The following FBXW4 variants were observed in gnomAD, a reference collection of about 807,000 sequenced individuals.
The protein encoded by FBXW4 is F-box/WD repeat-containing protein 4.
A neutral mutation model predicts 61.8 loss-of-function variants in FBXW4; 40 were observed. The ratio of observed to expected loss-of-function variants is 0.65; its 90% CI spans 0.50 to 0.84. The LOEUF (loss-of-function observed/expected upper bound fraction) is 0.84. Ranked by LOEUF, FBXW4 falls within the 40% of genes least tolerant of loss-of-function variation. The probability of loss-of-function intolerance (pLI) is 0.00; values close to 1 mark genes in which losing one functional copy is unlikely to be tolerated. For synonymous variants in FBXW4, 311 were observed against 313.8 expected (o/e 0.99, Z 0.10); for missense variants, 672 against 753.8 (o/e 0.89, Z 1.27).
Position 101,667,974 on chromosome 10 carries a change from G to T in FBXW4, c.1147C>A (p.Pro383Thr). Residue 383 changes from proline (P) to threonine (T), a missense_variant, in exon 5 of 9, where the codon CCT (proline) becomes ACT (threonine). This residue lies in a region of FBXW4 where 312 missense variants were observed against 370.1 expected (regional missense o/e 0.84). Transcript: ENST00000331272. ...GSRDRTAKVW[P>T]LASGRLGQCL... ...TGCCCCAGCCGGCCTGAGGCCAAAG[G>T]CCACACCTAGAAACAGGAGAGGAGA... 1.2e-6 allele frequency: 2 copies of T among 1,613,876 alleles called. No homozygotes were observed. Among genetic ancestry groups the T allele is most frequent in the Admixed American group, 1.7e-5 (1 of 60,030 alleles).
intron 5 of FBXW4, among the ~76,000 whole-genome samples, chr10:101,658,253 A>C (rs888604456): frequency 6.6e-6 from 1 of 152,156 alleles, no homozygotes; most frequent in African/African-American, 2.4e-5. Flanking sequence ...AAAAATAAAA[A>C]AAATGGTTTG....
chr10:101,689,930 T>A (rs953094054), intron 1 of FBXW4, among the ~76,000 whole-genome samples: 2 of 152,166 alleles, frequency 1.3e-5, no homozygotes, highest in Non-Finnish European at 2.9e-5. Context: ...CCTCACTCCC[T>A]AAACACCTAT....
chr10:101,632,707 T>C (rs12570717), intron 5 of FBXW4, among the ~76,000 whole-genome samples: 2,333 of 152,304 alleles, frequency 0.015, 28 homozygotes, highest in East Asian at 0.042. Context: ...GAAGAGTTTC[T>C]AAACTGGATT....
At chr10:101,640,658 ATT>A (rs200557925) in intron 5 of FBXW4, among the ~76,000 whole-genome samples, 15 of 132,994 alleles carry the variant, frequency 1.1e-4, no homozygotes, top group Non-Finnish European at 6.5e-5. Context: ...TCCCCAGCTA[ATT>A]TTTTTTTTTT....
Position 101,694,671 on chromosome 10 carries a change from A to G in FBXW4, c.435T>C (p.Ala145=). Residue 145 remains alanine (A), a synonymous_variant, in exon 1 of 9, where the codon GCT becomes GCC. Transcript: ENST00000331272. The surrounding 1 kb of genome is among the most constrained non-coding windows in gnomAD (Gnocchi z 6.0). ...CCCCTGTCCCCGCGATGTCGGCCCAAGCCTGACCCCCTCGTCCCTGTGCTC... is the reference window on the plus strand; with the variant it reads ...CCCCTGTCCCCGCGATGTCGGCCCAGGCCTGACCCCCTCGTCCCTGTGCTC... ...PGRAQGRGGQ[A]WADIAGTGVA... is the part of the protein sequence containing the mutation. 1 of 1,399,676 alleles carries G rather than the reference A, an allele frequency of 7.1e-7. No homozygotes were observed. The highest frequency in any genetic ancestry group is 9.2e-7 in the Non-Finnish European group (1 of 1,087,052). 86.7% of individuals were successfully genotyped at this position (1,399,676 alleles called of 1,614,324 possible). A position where few individuals can be genotyped will look rare whatever the true frequency, so the allele number is the denominator to read the frequency against.
At chr10:101,660,486 T>G (rs1040711833) in intron 5 of FBXW4, among the ~76,000 whole-genome samples, 6 of 152,110 alleles carry the variant, frequency 3.9e-5, no homozygotes, top group Non-Finnish European at 5.9e-5. Flanking sequence ...GCCACAGAAT[T>G]TATGGCTCCC....
chr10:101,632,693 G>C (rs988763048), intron 5 of FBXW4, among the ~76,000 whole-genome samples: 3 of 152,174 alleles, frequency 2.0e-5, no homozygotes, highest in African/African-American at 7.2e-5. Flanking sequence ...GGGAGCTGCA[G>C]GGAGAAGAGT....
At chr10:101,623,076 T>C (rs934798065) in intron 6 of FBXW4, 8 of 152,348 alleles carry the variant, frequency 5.3e-5, no homozygotes, top group African/African-American at 1.9e-4. Context: ...TAATTAGCTA[T>C]TAGGGAAATT....
rs2064266626 is a variant in FBXW4, at chr10:101,663,649, AAG to A, written c.1235+4235_1235+4236del. ...AAGACCCTGTCTCAAAAAAAAAAAA[AAG>A]AGTCTGCCCTTCTGTGTTACTCTTG... On this transcript the variant is annotated intron_variant, in intron 5 of 8. Coordinates refer to ENST00000331272, the MANE Select transcript of FBXW4 (RefSeq NM_022039.4). 2.6e-5 allele frequency among the ~76,000 whole-genome samples: 4 copies of A among 151,908 alleles called. No individual in the cohort carries two copies. The South Asian group carries it at 8.3e-4, about 32-fold the overall frequency.
chr10:101,688,564 T>G (rs1426206918), intron 1 of FBXW4, among the ~76,000 whole-genome samples: 2 of 152,224 alleles, frequency 1.3e-5, no homozygotes, highest in Non-Finnish European at 2.9e-5. Context: ...TAGAGAAAGC[T>G]CAAATATTTA....
At chr10:101,624,913 G>T in intron 5 of FBXW4, 103 bp from the exon 6 acceptor site, 1 of 1,285,656 alleles carries the variant, frequency 7.8e-7, no homozygotes, top group Non-Finnish European at 1.1e-6. Flanking sequence ...GGGGATTGTG[G>T]GTTAAGCCAG....
intron 5 of FBXW4, among the ~76,000 whole-genome samples, chr10:101,640,643 T>A (rs927548886): frequency 1.3e-5 from 2 of 150,404 alleles, no homozygotes; most frequent in Non-Finnish European, 3.0e-5. Flanking sequence ...AGGCATGTGC[T>A]ACCATCCCCA....
At chr10:101,624,035 A>T (rs1164578366) in intron 6 of FBXW4, among the ~76,000 whole-genome samples, 5 of 152,032 alleles carry the variant, frequency 3.3e-5, no homozygotes, top group Non-Finnish European at 7.4e-5. Flanking sequence ...GGTGATGGTT[A>T]TCTGAATCTA....
At chr10:101,627,255 C>A (rs965313144) in intron 5 of FBXW4, among the ~76,000 whole-genome samples, 1 of 152,088 alleles carries the variant, frequency 6.6e-6, no homozygotes, top group Non-Finnish European at 1.5e-5. Flanking sequence ...CCAAAAGCTG[C>A]CCTTTTCTCT....
intron 5 of FBXW4, among the ~76,000 whole-genome samples, chr10:101,656,970 G>A (rs920185918): frequency 6.6e-6 from 1 of 152,084 alleles, no homozygotes; most frequent in Admixed American, 6.5e-5. Flanking sequence ...TGAAAACCAT[G>A]AAAAGGAAAG....
rs919736076 is a variant in FBXW4, at chr10:101,635,215, C to T, written c.1236-10405G>A. Among the ~76,000 whole-genome samples the T allele has an allele frequency of 2.0e-5, 3 of 149,196 alleles. 1 individual carries two copies. The highest frequency in any genetic ancestry group is 6.7e-5 in the Admixed American group (1 of 15,034). ...CTAGATTGTGGCTCCTTTTGAAAATCTAATGCCTGAGGATCTGTCACTGTC... is the reference window on the plus strand; with the variant it reads ...CTAGATTGTGGCTCCTTTTGAAAATTTAATGCCTGAGGATCTGTCACTGTC... On this transcript the variant is annotated intron_variant, in intron 5 of 8. Transcript: ENST00000331272.
At chr10:101,669,727 T>G (rs757798790) in intron 4 of FBXW4, among the ~76,000 whole-genome samples, 20 of 150,696 alleles carry the variant, frequency 1.3e-4, no homozygotes, top group Non-Finnish European at 2.7e-4. Flanking sequence ...TCAAAACAGA[T>G]CCATCCCTGG....
intron 5 of FBXW4, among the ~76,000 whole-genome samples, chr10:101,638,338 GA>G (rs1445014673): frequency 1.3e-5 from 2 of 152,136 alleles, no homozygotes; most frequent in African/African-American, 4.8e-5. Context: ...AGGGAGATGA[GA>G]AATTCAAGCT....
intron 5 of FBXW4, among the ~76,000 whole-genome samples, chr10:101,652,603 G>GA (rs57745362): frequency 3.3e-5 from 5 of 151,132 alleles, no homozygotes; most frequent in Non-Finnish European, 7.4e-5. Context: ...GAAAGAACTA[G>GA]AAAAAAAAGG....
Sources: gnomAD v4.1 joint callset for allele counts (sites outside exome capture counted in the v4.1 genomes callset) on GRCh38, gnomAD v4.1.1 for gene constraint, gnomAD v4.1.1 regional missense constraint, Gnocchi (gnomAD v3.1) non-coding constraint, MANE v1.5 for transcripts, NCBI Gene and HGNC (gene_info 2026-07-23, HGNC 2026-07-21) for gene names.